Variants in MYLK4 observed in about 807,000 individuals in gnomAD.
MYLK4 encodes caMLCK like.
In MYLK4, 46 loss-of-function variants were observed where a neutral mutation model predicts 48.1. The ratio of observed to expected loss-of-function variants is 0.96; its 90% CI spans 0.75 to 1.22. The LOEUF (loss-of-function observed/expected upper bound fraction) is 1.22, where lower values mean the gene tolerates loss of function less well. MYLK4 is among the 50% of genes most tolerant of loss of function. The pLI, the probability that MYLK4 is intolerant of heterozygous loss-of-function variation, is 0.00. For synonymous variants in MYLK4, 170 were observed against 180.8 expected, an observed-to-expected ratio of 0.94 and a Z score of 0.48; for missense variants, 451 against 486.1, an observed-to-expected ratio of 0.93 and a Z score of 0.68.
rs1207088936 is a variant in MYLK4, at chr6:2,685,892, C to A, written c.342-316G>T. ...TCTGGCCAACATAGTGAAACCCCAT[C>A]TCTGCTAAAAATACAAATACAAAAA... is the stretch of plus-strand genomic sequence containing the variant. On this transcript the variant is annotated intron_variant, in intron 4 of 12. Coordinates refer to ENST00000274643, the MANE Select transcript of MYLK4 (RefSeq NM_001012418.5). The surrounding 1 kb of genome is among the most constrained non-coding windows in gnomAD (Gnocchi z 4.5). 6.6e-6 allele frequency among the ~76,000 whole-genome samples: 1 copy of A among 152,062 alleles called. No individual in the cohort carries two copies. Among genetic ancestry groups the A allele is most frequent in the African/African-American group, 2.4e-5 (1 of 41,392 alleles).
At chr6:2,680,874 G>C (rs1382704594) in intron 7 of MYLK4, among the ~76,000 whole-genome samples, 1 of 152,102 alleles carries the variant, frequency 6.6e-6, no homozygotes, top group Non-Finnish European at 1.5e-5. Flanking sequence ...TGCTGAGTTT[G>C]GTCTCAATGC....
At chr6:2,746,572 C>T (rs1764100897) in intron 2 of MYLK4, among the ~76,000 whole-genome samples, 1 of 152,158 alleles carries the variant, frequency 6.6e-6, no homozygotes, top group Non-Finnish European at 1.5e-5. Context: ...TCTAAAGAAA[C>T]TGCACTGCAA....
chr6:2,732,893 T>C (rs1011132002), intron 2 of MYLK4, among the ~76,000 whole-genome samples: 3 of 152,214 alleles, frequency 2.0e-5, no homozygotes, highest in African/African-American at 7.2e-5. Context: ...ACAACCTTCC[T>C]TGACCCTCTG....
chr6:2,736,701 C>A (rs1763685791), intron 2 of MYLK4, among the ~76,000 whole-genome samples: 1 of 152,210 alleles, frequency 6.6e-6, no homozygotes, highest in Admixed American at 6.5e-5. Context: ...CTCTAACAGA[C>A]TGTGGCAATT....
At chr6:2,768,928 A>G in the MYLK4 span, 33 of 1,550,534 alleles carry the variant, frequency 2.1e-5, no homozygotes, top group Admixed American at 3.7e-5. Flanking sequence ...AACATCAAAC[A>G]ATATAAAGTG....
Position 2,738,907 on chromosome 6 carries a change from G to A in MYLK4, c.159+10229C>T, listed in dbSNP as rs142772164. Among the ~76,000 whole-genome samples the A allele has an allele frequency of 6.2e-3, 944 of 152,284 alleles. 6 individuals carry two copies. Among genetic ancestry groups the A allele is most frequent in the Non-Finnish European group, 0.01 (683 of 68,030 alleles). ...AGAGTGAACCCTAATGTGAACCATG[G>A]ACTCTGAGTGATAATGATATGTTAA... On this transcript the variant is annotated intron_variant, in intron 2 of 12. Transcript: ENST00000274643.
In MYLK4 at chr6:2,685,525, CT is replaced by C; in HGVS notation, c.392del (p.Lys131SerfsTer12). 6.2e-7 allele frequency: 1 copy of C among 1,614,178 alleles called. No individual in the cohort carries two copies. The highest frequency in any genetic ancestry group is 8.5e-7 in the Non-Finnish European group (1 of 1,180,032). On this transcript the variant is annotated frameshift_variant, in exon 5 of 13. Transcript: ENST00000274643. LOFTEE classifies it high-confidence loss of function. The surrounding 1 kb of genome is among the most constrained non-coding windows in gnomAD (Gnocchi z 4.5). ...TGGTCTTGATGATTTTGGCTGCCAG[CT>C]TCAGACCTGTGGCCGTCTCCTCACA... ...HKCEETATGL[K>X]LAAKIIKTRG...
chr6:2,763,511 A>G, the MYLK4 span, among the ~76,000 whole-genome samples: 1 of 152,334 alleles, frequency 6.6e-6, no homozygotes, highest in Non-Finnish European at 1.5e-5. Flanking sequence ...GTGCTGTCCC[A>G]AGTGCTAAGC....
intron 2 of MYLK4, among the ~76,000 whole-genome samples, chr6:2,716,889 T>A (rs1431613747): frequency 6.6e-6 from 1 of 152,242 alleles, no homozygotes; most frequent in African/African-American, 2.4e-5. Flanking sequence ...CTCTCAATAA[T>A]GCCTGATGTT....
rs35211631 is a variant in MYLK4 at position 2,675,048 on chromosome 6, T to C, written c.1118A>G (p.Gln373Arg). The change falls in exon 11 of 13, where the codon CAG (glutamine) becomes CGG (arginine). Residue 373 changes from glutamine to arginine, a missense_variant and splice_region_variant. Physicochemically the swap from Gln to Arg is conservative, Grantham distance 43. Coordinates refer to ENST00000274643, the MANE Select transcript of MYLK4 (RefSeq NM_001012418.5). ...GGAAGAGCAAGAAGCCGTGGTCACC[T>C]GGGCATTGAGTCTGGAGTGGAGCTT... ...DHKLHSRLNA[Q>R]KKKNRGSDAQ... The C allele has an allele frequency of 1.4e-3, 2,185 of 1,612,966 alleles. 4 individuals carry two copies. Among genetic ancestry groups the C allele is most frequent in the Middle Eastern group, 5.3e-3 (32 of 6,062 alleles).
chr6:2,697,726 G>A (rs1010937634), intron 2 of MYLK4, among the ~76,000 whole-genome samples: 6 of 152,198 alleles, frequency 3.9e-5, no homozygotes, highest in African/African-American at 1.4e-4. Context: ...GCTGAGATAA[G>A]GGCTGCTCCT....
At chr6:2,767,769 C>G in the MYLK4 span, among the ~76,000 whole-genome samples, 1 of 152,314 alleles carries the variant, frequency 6.6e-6, no homozygotes, top group East Asian at 1.9e-4. Flanking sequence ...ATCCCACCTA[C>G]CAAATGCCAG....
chr6:2,685,873 C>T lies in MYLK4; in HGVS notation c.342-297G>A, dbSNP rs6933296. ...ATCACGAGGTCAGGACCAGTCTGGCCAACATAGTGAAACCCCATCTCTGCT... is the reference window on the plus strand; with the variant it reads ...ATCACGAGGTCAGGACCAGTCTGGCTAACATAGTGAAACCCCATCTCTGCT... On this transcript the variant is annotated intron_variant, in intron 4 of 12. Transcript: ENST00000274643. This position sits in a 1 kb window ranked among gnomAD's most constrained non-coding sequence, Gnocchi z 4.5. Among the ~76,000 whole-genome samples the T allele has an allele frequency of 0.054, 8,155 of 151,976 alleles. 254 individuals carry two copies. The highest frequency in any genetic ancestry group is 0.093 in the African/African-American group (3,844 of 41,428).
the MYLK4 span, chr6:2,770,325 C>G: frequency 6.2e-7 from 1 of 1,614,194 alleles, no homozygotes; most frequent in Non-Finnish European, 8.5e-7. Flanking sequence ...AGCCGTCCCA[C>G]TGACCCTCTG....
At position 2,664,767 on chromosome 6, in the gene MYLK4, T is replaced by C. The variant is rs1561820535; in HGVS notation, c.*3158A>G. On this transcript the variant is annotated 3_prime_UTR_variant, in exon 13 of 13. Coordinates refer to ENST00000274643, the MANE Select transcript of MYLK4 (RefSeq NM_001012418.5). The stretch of plus-strand genomic sequence containing the variant: ...GAGGAAATAACTGAAAACAAACTTA[T>C]GGCACTCAACAGACATGAGTGTTAC... 3 of 152,200 alleles carry C rather than the reference T, an allele frequency of 2.0e-5. No individual in the cohort carries two copies. Among genetic ancestry groups the C allele is most frequent in the Admixed American group, 6.5e-5 (1 of 15,284 alleles). The allele number at this position is 152,200 out of a possible 1,614,324, so 9.4% of individuals were successfully genotyped here.
chr6:2,701,820 A>G (rs1762291656), intron 2 of MYLK4, among the ~76,000 whole-genome samples: 1 of 152,144 alleles, frequency 6.6e-6, no homozygotes, highest in Non-Finnish European at 1.5e-5. Context: ...CTCTTTAACC[A>G]ATGGCCAGGT....
chr6:2,762,483 G>A, the MYLK4 span, among the ~76,000 whole-genome samples: 9 of 152,158 alleles, frequency 5.9e-5, no homozygotes, highest in Admixed American at 3.3e-4. Flanking sequence ...TTTTGGATGG[G>A]TTAATTGATC....
the MYLK4 span, among the ~76,000 whole-genome samples, chr6:2,763,028 G>A: frequency 6.6e-6 from 1 of 152,204 alleles, no homozygotes; most frequent in Non-Finnish European, 1.5e-5. Flanking sequence ...TCCATCGCCA[G>A]CTCTAGCAGC....
chr6:2,694,932 C>T (rs1363275904), intron 2 of MYLK4, among the ~76,000 whole-genome samples: 1 of 151,996 alleles, frequency 6.6e-6, no homozygotes, highest in South Asian at 2.1e-4. Flanking sequence ...AAGACTATAG[C>T]CAAGTTACAT....
Sources: gnomAD v4.1 joint callset for allele counts (sites outside exome capture counted in the v4.1 genomes callset) on GRCh38, gnomAD v4.1.1 for gene constraint, Gnocchi (gnomAD v3.1) non-coding constraint, MANE v1.5 for transcripts, NCBI Gene and HGNC (gene_info 2026-07-23, HGNC 2026-07-21) for gene names.